The following ATF7 variants were observed in gnomAD, a reference collection of about 807,000 sequenced individuals.
ATF7 encodes cyclic AMP-dependent transcription factor ATF-7.
Under a neutral mutation model 50.4 loss-of-function variants are expected in ATF7, and 10 were observed. That is an observed-to-expected ratio of 0.20 (90% CI 0.12 to 0.34). The LOEUF is 0.34. ATF7 is among the 10% of genes least tolerant of loss of function. The probability of loss-of-function intolerance (pLI) is 1.00; values close to 1 mark genes in which losing one functional copy is unlikely to be tolerated. For missense variants in ATF7, 465 were observed against 613.9 expected (o/e 0.76, Z 2.56); for synonymous variants, 201 against 226.4 (o/e 0.89, Z 1.01).
chr12:53,554,410 C>T (rs1940580144), intron 2 of ATF7, among the ~76,000 whole-genome samples: 1 of 151,378 alleles, frequency 6.6e-6, no homozygotes, highest in Non-Finnish European at 1.5e-5. Flanking sequence ...GTATTACAGG[C>T]ATGAGCCACC....
chr12:53,607,920 T>C (rs889709816), intron 1 of ATF7, among the ~76,000 whole-genome samples: 4 of 152,054 alleles, frequency 2.6e-5, no homozygotes, highest in African/African-American at 9.7e-5. Flanking sequence ...ATATGCATGA[T>C]TGAAAAAAGT....
At chr12:53,591,557 T>C (rs1246170543) in intron 2 of ATF7, among the ~76,000 whole-genome samples, 1 of 152,208 alleles carries the variant, frequency 6.6e-6, no homozygotes, top group African/African-American at 2.4e-5. Flanking sequence ...ATCACCCTGA[T>C]GCCTCTCCCT....
intron 3 of ATF7, among the ~76,000 whole-genome samples, chr12:53,549,716 G>A (rs1940202537): frequency 6.6e-6 from 1 of 152,138 alleles, no homozygotes; most frequent in Admixed American, 6.5e-5. Context: ...CTGCCGAGTA[G>A]CTGGGACTAC....
At chr12:53,518,017 G>A (rs1034208094) in intron 11 of ATF7, among the ~76,000 whole-genome samples, 1 of 152,050 alleles carries the variant, frequency 6.6e-6, no homozygotes, top group Non-Finnish European at 1.5e-5. Flanking sequence ...GGTGCACACT[G>A]CCACACCTGG....
chr12:53,623,377 A>C (rs1944480637), intron 1 of ATF7, among the ~76,000 whole-genome samples: 1 of 152,248 alleles, frequency 6.6e-6, no homozygotes, highest in South Asian at 2.1e-4. Flanking sequence ...ACATATTTTT[A>C]AAGAGACAGA....
At chr12:53,562,164 G>A (rs1214351469) in intron 2 of ATF7, among the ~76,000 whole-genome samples, 2 of 152,230 alleles carry the variant, frequency 1.3e-5, no homozygotes, top group Middle Eastern at 3.2e-3. Context: ...TGGTCTAGCT[G>A]CCATGCTGCT....
chr12:53,519,725 C>T (rs1400009579), intron 11 of ATF7, among the ~76,000 whole-genome samples: 1 of 152,154 alleles, frequency 6.6e-6, no homozygotes, highest in Non-Finnish European at 1.5e-5. Flanking sequence ...TCCTTATCCT[C>T]TTTAGCCCAT....
chr12:53,519,990 C>T (rs1376834546), intron 11 of ATF7, among the ~76,000 whole-genome samples: 4 of 152,172 alleles, frequency 2.6e-5, no homozygotes, highest in African/African-American at 9.7e-5. Flanking sequence ...TCGTGATCCG[C>T]CCGCCTCAGC....
At chr12:53,563,163 C>T (rs1941248462) in intron 2 of ATF7, among the ~76,000 whole-genome samples, 2 of 152,154 alleles carry the variant, frequency 1.3e-5, no homozygotes, top group South Asian at 4.1e-4. Flanking sequence ...TTTCTAGGCC[C>T]AGCTGAAATC....
intron 2 of ATF7, among the ~76,000 whole-genome samples, chr12:53,598,224 C>T (rs1229200777): frequency 6.6e-6 from 1 of 152,152 alleles, no homozygotes; most frequent in Admixed American, 6.5e-5. Flanking sequence ...TATTTGTTAC[C>T]AGATCGTGGG....
At chr12:53,619,533 G>A (rs563557642) in intron 1 of ATF7, among the ~76,000 whole-genome samples, 3 of 144,578 alleles carry the variant, frequency 2.1e-5, no homozygotes, top group South Asian at 4.5e-4. Context: ...TCCAAAACAA[G>A]CTGGGCATGG....
In ATF7 at chr12:53,513,819, G is replaced by T. The variant is rs1944206202; in HGVS notation, c.*3318C>A. The T allele has an allele frequency of 6.6e-6, 1 of 152,174 alleles. No individual in the cohort carries two copies. Among genetic ancestry groups the T allele is most frequent in the African/African-American group, 2.4e-5 (1 of 41,414 alleles). 9.4% of individuals were successfully genotyped at this position (152,174 alleles called of 1,614,324 possible). A position where few individuals can be genotyped will look rare whatever the true frequency, so the allele number is the denominator to read the frequency against. ...TTTGGTGGTTCAGGCTGTACATAGG[G>T]CACGGTTGGGGTTAAGCACTCCATC... On this transcript the variant is annotated 3_prime_UTR_variant, in exon 12 of 12. Transcript: ENST00000420353.
At chr12:53,612,832 T>G (rs530583459) in intron 1 of ATF7, among the ~76,000 whole-genome samples, 1 of 152,060 alleles carries the variant, frequency 6.6e-6, no homozygotes, top group Non-Finnish European at 1.5e-5. Flanking sequence ...TGTGAAACCC[T>G]GTCTCTACTA....
chr12:53,581,253 G>C (rs886659219), intron 2 of ATF7, among the ~76,000 whole-genome samples: 1 of 152,190 alleles, frequency 6.6e-6, no homozygotes, highest in Non-Finnish European at 1.5e-5. Context: ...TTAACAGTTG[G>C]AGACTTTAAC....
Position 53,574,837 on chromosome 12 carries a change from T to C in ATF7, c.49-22200A>G, listed in dbSNP as rs549761377. On this transcript the variant is annotated intron_variant, in intron 2 of 11. Coordinates refer to ENST00000420353, the MANE Select transcript of ATF7 (RefSeq NM_006856.3). ...GCCCAAATGGGAAATCCTAAAGAAA[T>C]AGACATATATTAAAAGAAATAGTAA... is the stretch of plus-strand genomic sequence containing the variant. 2.3e-4 allele frequency: 72 copies of C among 312,068 alleles called. 2 individuals carry two copies. Among genetic ancestry groups the C allele is most frequent in the South Asian group, 1.6e-3 (49 of 30,574 alleles). 19.3% of individuals were successfully genotyped at this position (312,068 alleles called of 1,614,324 possible).
chr12:53,574,386 A>G (rs912472079), intron 2 of ATF7, among the ~76,000 whole-genome samples: 2 of 152,172 alleles, frequency 1.3e-5, no homozygotes, highest in African/African-American at 4.8e-5. Context: ...TATCCTTTAT[A>G]ATAAACTGGT....
chr12:53,617,653 T>TA (rs1236167211), intron 1 of ATF7, among the ~76,000 whole-genome samples: 2 of 151,578 alleles, frequency 1.3e-5, no homozygotes, highest in East Asian at 1.9e-4. Flanking sequence ...TAAATAATAA[T>TA]AAAAAAAAGA....
chr12:53,585,579 T>TGAA lies in ATF7; in HGVS notation c.48+15373_48+15374insTTC. 2.0e-5 allele frequency among the ~76,000 whole-genome samples: 3 copies of TGAA among 152,142 alleles called. No individual in the cohort carries two copies. In the South Asian group the frequency reaches 6.2e-4, roughly 32 times the overall value. On this transcript the variant is annotated intron_variant, in intron 2 of 11. Transcript: ENST00000420353. ...GAAAAAAGAAAAGACTGAAAACCAC[T>TGAA]AAGTAAATGTGAATAGCTTCTTGCA...
rs1344247731 is a variant in ATF7, at chr12:53,532,567, A to C, written c.717T>G (p.Val239=). 6.2e-7 allele frequency: 1 copy of C among 1,610,712 alleles called. No individual in the cohort carries two copies. The part of the protein sequence containing the change: ...PNIPGIPGPP[V]NSSGSISPSG... Reference sequence around the variant, plus strand: ...AGGGAGAAATGGAGCCACTACTGTTAACTGGTGGGCCAGGGATACCAGGAA... The same window carrying C: ...AGGGAGAAATGGAGCCACTACTGTTCACTGGTGGGCCAGGGATACCAGGAA... Residue 239 remains valine, a synonymous_variant, in exon 8 of 12, where the codon GTT becomes GTG. Transcript: ENST00000420353.
Sources: allele counts gnomAD v4.1 joint callset (sites outside exome capture counted in the v4.1 genomes callset), GRCh38; gene constraint gnomAD v4.1.1; transcripts MANE v1.5; gene names NCBI Gene and HGNC (gene_info 2026-07-23, HGNC 2026-07-21).